The following SLFN11 variants were observed in gnomAD, a reference collection of about 807,000 sequenced individuals.
SLFN11 encodes the protein schlafen family member 11.
Under a neutral mutation model 53.4 loss-of-function variants are expected in SLFN11, and 43 were observed. The ratio of observed to expected loss-of-function variants is 0.80; its 90% CI spans 0.63 to 1.04. The LOEUF is 1.04. Among genes scored for constraint, SLFN11 ranks in the 50% least tolerant of loss-of-function variants. The pLI, the probability that SLFN11 is intolerant of heterozygous loss-of-function variation, is 0.00. For missense variants in SLFN11, 990 were observed against 1,079.1 expected, an observed-to-expected ratio of 0.92 and a Z score of 1.16; for synonymous variants, 389 against 394.7, an observed-to-expected ratio of 0.99 and a Z score of 0.17.
At chr17:35,356,548 G>A (rs1907493305) in intron 5 of SLFN11, among the ~76,000 whole-genome samples, 1 of 151,942 alleles carries the variant, frequency 6.6e-6, no homozygotes, top group South Asian at 2.1e-4. Context: ...TTCCCAACAG[G>A]TAGCAAACCA....
rs776987030 is a variant in SLFN11, at chr17:35,363,295, C to T, written c.513G>A (p.Lys171=). 5.6e-6 allele frequency: 9 copies of T among 1,613,996 alleles called. No homozygotes were observed. The highest frequency in any genetic ancestry group is 1.1e-5 in the South Asian group (1 of 91,080). Residue 171 remains lysine (K), a synonymous_variant, in exon 4 of 7, where the codon AAG becomes AAA. Coordinates refer to ENST00000685675, the MANE Select transcript of SLFN11 (RefSeq NM_001376007.1). Reference sequence around the variant, plus strand: ...AGTTAGGGAGCTCTTGGTATACACCCTTGTGAATTTTGTGAAAAGGTCCTT... The same window carrying T: ...AGTTAGGGAGCTCTTGGTATACACCTTTGTGAATTTTGTGAAAAGGTCCTT... ...LEEGPFHKIH[K]GVYQELPNSD...
At position 35,352,193 on chromosome 17, in the gene SLFN11, TG is replaced by T; in HGVS notation, c.*162del. ...GGGCAGCCACCGCTGCTGAAAGGGTTGGGGAAGGAACCCCTGAAAGGAGAGC... is the reference window on the plus strand; with the variant it reads ...GGGCAGCCACCGCTGCTGAAAGGGTTGGGAAGGAACCCCTGAAAGGAGAGC... On this transcript the variant is annotated 3_prime_UTR_variant, in exon 7 of 7. Coordinates refer to ENST00000685675, the MANE Select transcript of SLFN11 (RefSeq NM_001376007.1). The T allele has an allele frequency of 1.2e-6, 1 of 848,888 alleles. No individual in the cohort carries two copies. Among genetic ancestry groups the T allele is most frequent in the Non-Finnish European group, 1.8e-6 (1 of 555,650 alleles). The allele number at this position is 848,888 out of a possible 1,614,324, so 52.6% of individuals were successfully genotyped here. A position where few individuals can be genotyped will look rare whatever the true frequency, so the allele number is the denominator to read the frequency against.
intron 5 of SLFN11, among the ~76,000 whole-genome samples, chr17:35,356,415 C>A (rs542318939): frequency 6.6e-6 from 1 of 152,206 alleles, no homozygotes; most frequent in Non-Finnish European, 1.5e-5. Context: ...CTCCTACTCT[C>A]ATTTTCTTAA....
At position 35,352,369 on chromosome 17, in the gene SLFN11, C is replaced by A; in HGVS notation, c.2693G>T (p.Trp898Leu). ...TTGGAGTTCTTCCTAATGGCCACCC[C>A]ACGGAAAAATATACAGGTGTTGTTT... ...RAKQHLYIFP[W>L]GGH is the part of the protein sequence containing the mutation. The change falls in exon 7 of 7, where the codon TGG becomes TTG. Residue 898 changes from tryptophan (W) to leucine (L), a missense_variant. Transcript: ENST00000685675. 6.2e-7 allele frequency: 1 copy of A among 1,613,718 alleles called. No homozygotes were observed. Among genetic ancestry groups the A allele is most frequent in the Non-Finnish European group, 8.5e-7 (1 of 1,179,596 alleles).
intron 1 of SLFN11, among the ~76,000 whole-genome samples, chr17:35,369,870 T>C (rs1331319205): frequency 6.6e-6 from 1 of 151,916 alleles, no homozygotes; most frequent in African/African-American, 2.4e-5. Flanking sequence ...AAAGCCATAA[T>C]AAAAAGTCTC....
At chr17:35,369,452 C>G (rs1485891329) in intron 1 of SLFN11, among the ~76,000 whole-genome samples, 1 of 152,054 alleles carries the variant, frequency 6.6e-6, no homozygotes, top group African/African-American at 2.4e-5. Context: ...TAGAATGGAA[C>G]ACCAGGTAGA....
At chr17:35,371,168 A>T (rs1304635238) in intron 1 of SLFN11, among the ~76,000 whole-genome samples, 1 of 152,068 alleles carries the variant, frequency 6.6e-6, no homozygotes, top group African/African-American at 2.4e-5. Context: ...ACAAATACAC[A>T]CACCTAAAGT....
chr17:35,370,631 C>T (rs1909528016), intron 1 of SLFN11, among the ~76,000 whole-genome samples: 1 of 151,908 alleles, frequency 6.6e-6, no homozygotes, highest in Admixed American at 6.6e-5. Flanking sequence ...AGTAAAGTTG[C>T]AGGATACAAA....
At chr17:35,366,753 C>T (rs867539870) in intron 3 of SLFN11, among the ~76,000 whole-genome samples, 194 bp downstream of exon 3, 33 of 152,078 alleles carry the variant, frequency 2.2e-4, no homozygotes, top group South Asian at 8.3e-4. Context: ...GGTGTGAAGA[C>T]ATTTAGAAGA....
chr17:35,356,408 C>T (rs957093116), intron 5 of SLFN11, among the ~76,000 whole-genome samples: 3 of 151,804 alleles, frequency 2.0e-5, no homozygotes, highest in African/African-American at 7.3e-5. Flanking sequence ...CCAAACACTC[C>T]TACTCTCATT....
intron 4 of SLFN11, 30 bp from the exon 5 acceptor site, chr17:35,360,401 C>G (rs141261472): frequency 5.1e-6 from 8 of 1,581,236 alleles, no homozygotes; most frequent in Middle Eastern, 3.4e-4. Context: ...GTTATTCTGA[C>G]GTGTTAATCT....
chr17:35,363,077 C>G lies in SLFN11; in HGVS notation c.731G>C (p.Gly244Ala), dbSNP rs1416429714. The G allele has an allele frequency of 6.2e-7, 1 of 1,614,016 alleles. No individual in the cohort carries two copies. Among genetic ancestry groups the G allele is most frequent in the Non-Finnish European group, 8.5e-7 (1 of 1,179,968 alleles). ...ATCATCCACTCCAATAAAAAGATAG[C>G]CTCCTCCAGTGTTTGCAAATGCAGG... ...YVPAFANTGG[G>A]YLFIGVDDKS... Residue 244 changes from glycine (G) to alanine (A), a missense_variant, in exon 4 of 7, where the codon GGC becomes GCC. By Grantham distance (60) the Gly-to-Ala change is moderately conservative. Transcript: ENST00000685675.
rs768284676 is a variant in SLFN11, at chr17:35,352,651, T to C, written c.2411A>G (p.Tyr804Cys). ...AAGCACAGCAACATCCTTTGGAGAA[T>C]AGCCCCTATCAAAGAAGCGCCTGCA... ...DTCRRFFDRGYSPKDVAVLVS... is the reference protein window; with the variant it reads ...DTCRRFFDRGCSPKDVAVLVS... Residue 804 changes from tyrosine to cysteine, a missense_variant, in exon 7 of 7, where the codon TAT (tyrosine) becomes TGT (cysteine). By Grantham distance (194) the Tyr-to-Cys change is radical (BLOSUM62 -2). Around this residue, in one of 3 missense-constraint regions of SLFN11, gnomAD observed 313 missense variants for 320.9 expected, o/e 0.98. Coordinates refer to ENST00000685675, the MANE Select transcript of SLFN11 (RefSeq NM_001376007.1). The C allele has an allele frequency of 2.6e-5, 42 of 1,614,060 alleles. No individual in the cohort carries two copies. The South Asian group carries it at 2.9e-4, about 11-fold the overall frequency.
At chr17:35,355,220 T>C (rs1247551928) in intron 5 of SLFN11, among the ~76,000 whole-genome samples, 1 of 152,092 alleles carries the variant, frequency 6.6e-6, no homozygotes, top group Non-Finnish European at 1.5e-5. Context: ...CATCTTCATA[T>C]GAGTAGATAA....
At position 35,363,184 on chromosome 17, in the gene SLFN11, A is replaced by G. The variant is rs1157029570; in HGVS notation, c.624T>C (p.Pro208=). ...GTTTAAACTCTACTAACTGAGACTCAGGAAAAGGCAGGATTTCACCATATT... is the reference window on the plus strand; with the variant it reads ...GTTTAAACTCTACTAACTGAGACTCGGGAAAAGGCAGGATTTCACCATATT... ...YLEYGEILPF[P]ESQLVEFKQF... The change falls in exon 4 of 7, where the codon CCT becomes CCC. Residue 208 remains proline (P), a synonymous_variant. Transcript: ENST00000685675. The G allele has an allele frequency of 5.0e-6, 8 of 1,613,948 alleles. No individual in the cohort carries two copies. Among genetic ancestry groups the G allele is most frequent in the Non-Finnish European group, 6.8e-6 (8 of 1,180,000 alleles).
At chr17:35,362,667 A>G (rs1370951147) in intron 4 of SLFN11, 72 bp downstream of exon 4, 1 of 1,272,316 alleles carries the variant, frequency 7.9e-7, no homozygotes, top group East Asian at 2.4e-5. Context: ...CATAGGCAGC[A>G]AAGGAAAATT....
rs779549428 is a variant in SLFN11, at chr17:35,353,038, G to C, written c.2024C>G (p.Thr675Ser). 1.7e-5 allele frequency: 28 copies of C among 1,614,046 alleles called. No homozygotes were observed. The Admixed American group carries it at 4.2e-4, about 24-fold the overall frequency. ...IVIDEAQNFR[T>S]EDGDWYGKAK... ...CTTCCCATACCAGTCCCCATCTTCA[G>C]TACGGAAATTCTGAGCTTCGTCAAT... The change falls in exon 7 of 7, where the codon ACT (threonine) becomes AGT (serine). Residue 675 changes from threonine to serine, a missense_variant. By Grantham distance (58) the Thr-to-Ser change is moderately conservative. Around this residue, in one of 3 missense-constraint regions of SLFN11, gnomAD observed 313 missense variants for 320.9 expected, o/e 0.98. Transcript: ENST00000685675.
chr17:35,359,987 T>G, intron 5 of SLFN11: 1 of 353,158 alleles, frequency 2.8e-6, no homozygotes, highest in Non-Finnish European at 5.1e-6. Context: ...ATCAGCCAGA[T>G]TTGGGAACTA....
intron 4 of SLFN11, among the ~76,000 whole-genome samples, chr17:35,361,490 G>T (rs952157717): frequency 6.6e-6 from 1 of 151,714 alleles, no homozygotes. Flanking sequence ...TTGAGACAGG[G>T]TCTCACTCTC....
Sources: gnomAD v4.1 joint callset for allele counts (sites outside exome capture counted in the v4.1 genomes callset) on GRCh38, gnomAD v4.1.1 for gene constraint, gnomAD v4.1.1 regional missense constraint, MANE v1.5 for transcripts, NCBI Gene and HGNC (gene_info 2026-07-23, HGNC 2026-07-21) for gene names.